Variants in SP4 observed in about 807,000 individuals in gnomAD.
SP4 encodes the protein Sp4 transcription factor, also known as transcription factor Sp4.
In SP4, 19 loss-of-function variants were observed where a neutral mutation model predicts 72.8. The ratio of observed to expected loss-of-function variants is 0.26; its 90% confidence interval spans 0.18 to 0.38. The LOEUF is 0.38. SP4 is among the 10% of genes least tolerant of loss of function. The probability of loss-of-function intolerance (pLI) is 1.00; values close to 1 mark genes in which losing one functional copy is unlikely to be tolerated. For synonymous variants in SP4, 395 were observed against 333.1 expected, an observed-to-expected ratio of 1.19 and a Z score of -2.02; for missense variants, 1,008 against 926.3, an observed-to-expected ratio of 1.09 and a Z score of -1.14.
At chr7:21,504,452 T>A (rs1781944379) in intron 5 of SP4, among the ~76,000 whole-genome samples, 1 of 152,228 alleles carries the variant, frequency 6.6e-6, no homozygotes, top group Admixed American at 6.5e-5. Context: ...TCTACCTTTC[T>A]CACATAGGGA....
At position 21,498,128 on chromosome 7, in the gene SP4, A is replaced by G. The variant is rs150359841; in HGVS notation, c.2108-12894A>G. The stretch of plus-strand genomic sequence containing the variant: ...CCTTATTACAACCAGCCCTCCTTAT[A>G]TGTGGATTCCTCATCCTCAGATTCA... On this transcript the variant is annotated intron_variant, in intron 5 of 5. Transcript: ENST00000222584. 2.6e-3 allele frequency among the ~76,000 whole-genome samples: 389 copies of G among 152,262 alleles called. 4 individuals are homozygous for G. Among genetic ancestry groups the G allele is most frequent in the East Asian group, 9.6e-4 (5 of 5,188 alleles).
At chr7:21,471,748 T>A (rs1784351455) in intron 3 of SP4, among the ~76,000 whole-genome samples, 1 of 152,168 alleles carries the variant, frequency 6.6e-6, no homozygotes, top group African/African-American at 2.4e-5. Flanking sequence ...GCAGGAGGAT[T>A]GCTTGAGTCC....
chr7:21,439,939 G>A (rs540238547), intron 3 of SP4, among the ~76,000 whole-genome samples: 9 of 152,244 alleles, frequency 5.9e-5, no homozygotes, highest in Admixed American at 1.3e-4. Context: ...TGTTTAAGAC[G>A]CAAGAATCTT....
At chr7:21,434,333 C>T (rs1782975372) in intron 3 of SP4, among the ~76,000 whole-genome samples, 1 of 152,142 alleles carries the variant, frequency 6.6e-6, no homozygotes. Context: ...AAAGTAAAAT[C>T]ATACAAGGTA....
intron 4 of SP4, among the ~76,000 whole-genome samples, chr7:21,478,883 G>A (rs1003552099): frequency 2.0e-5 from 3 of 151,970 alleles, no homozygotes; most frequent in Admixed American, 1.3e-4. Context: ...CAGCCTGACC[G>A]GCATGGAGAA....
rs1782224193 is a variant in SP4 at position 21,514,617 on chromosome 7, A to G, written c.*3348A>G. 6.6e-6 allele frequency: 1 copy of G among 152,150 alleles called. No individual in the cohort carries two copies. The highest frequency in any genetic ancestry group is 1.5e-5 in the Non-Finnish European group (1 of 68,020). The allele number at this position is 152,150 out of a possible 1,614,324, so 9.4% of individuals were successfully genotyped here. ...GAATTTAGACAATTATTCTGCCAGC[A>G]AAGCCTCTGGGGCTGTAATTGACAT... On this transcript the variant is annotated 3_prime_UTR_variant, in exon 6 of 6. Transcript: ENST00000222584.
intron 4 of SP4, among the ~76,000 whole-genome samples, chr7:21,481,220 A>G (rs1784676476): frequency 6.6e-6 from 1 of 152,202 alleles, no homozygotes; most frequent in African/African-American, 2.4e-5. Context: ...AACCAGGGGT[A>G]AGATAAGAAA....
At chr7:21,465,406 G>T (rs1372392523) in intron 3 of SP4, among the ~76,000 whole-genome samples, 1 of 151,952 alleles carries the variant, frequency 6.6e-6, no homozygotes, top group African/African-American at 2.4e-5. Context: ...GATTCAGGCT[G>T]ACCTAGGTTC....
intron 3 of SP4, among the ~76,000 whole-genome samples, chr7:21,464,307 A>C (rs1218635628): frequency 2.0e-5 from 3 of 151,884 alleles, no homozygotes; most frequent in Non-Finnish European, 4.4e-5. Context: ...TGTGTTAGCC[A>C]GGATGGTCTC....
chr7:21,476,884 A>G (rs764512743), intron 3 of SP4, among the ~76,000 whole-genome samples, 195 bp from the exon 4 acceptor site: 3 of 152,244 alleles, frequency 2.0e-5, no homozygotes, highest in East Asian at 3.8e-4. Flanking sequence ...ATCTAGATAC[A>G]TAGGCAACCT....
At position 21,514,390 on chromosome 7, in the gene SP4, A is replaced by G. The variant is rs1782216158; in HGVS notation, c.*3121A>G. On this transcript the variant is annotated 3_prime_UTR_variant, in exon 6 of 6. Transcript: ENST00000222584. ...ATGCATGTCACTAAGTTGTCATCCCACATAAATTGATGTGCAGCATAGGGT... is the reference window on the plus strand; with the variant it reads ...ATGCATGTCACTAAGTTGTCATCCCGCATAAATTGATGTGCAGCATAGGGT... 1 of 152,590 alleles carries G rather than the reference A, an allele frequency of 6.6e-6. No homozygotes were observed. The highest frequency in any genetic ancestry group is 2.1e-4 in the South Asian group (1 of 4,828). 9.5% of individuals were successfully genotyped at this position (152,590 alleles called of 1,614,324 possible). A position where few individuals can be genotyped will look rare whatever the true frequency, so the allele number is the denominator to read the frequency against.
intron 5 of SP4, among the ~76,000 whole-genome samples, chr7:21,504,473 C>G (rs1781945072): frequency 1.3e-5 from 2 of 152,128 alleles, no homozygotes; most frequent in African/African-American, 4.8e-5. Context: ...GTGTTTATCT[C>G]CATCAGTGAC....
intron 3 of SP4, among the ~76,000 whole-genome samples, chr7:21,431,211 A>G (rs1181273518): frequency 1.3e-5 from 2 of 152,224 alleles, no homozygotes; most frequent in Non-Finnish European, 2.9e-5. Context: ...GAGGGAAAGT[A>G]GTTTTAAACT....
At chr7:21,483,351 T>G (rs1436581981) in intron 5 of SP4, among the ~76,000 whole-genome samples, 2 of 151,956 alleles carry the variant, frequency 1.3e-5, no homozygotes, top group African/African-American at 2.4e-5. Flanking sequence ...TTGTCATACC[T>G]TTTGTCATAT....
chr7:21,507,714 CTT>C (rs980756579), intron 5 of SP4, among the ~76,000 whole-genome samples: 1 of 152,066 alleles, frequency 6.6e-6, no homozygotes, highest in Non-Finnish European at 1.5e-5. Context: ...GAGGGAGTCT[CTT>C]TGGCTCCCTC....
chr7:21,464,692 G>T (rs896862012), intron 3 of SP4, among the ~76,000 whole-genome samples: 5 of 151,948 alleles, frequency 3.3e-5, no homozygotes, highest in African/African-American at 1.2e-4. Context: ...TGGGACCACA[G>T]GTGTGCACCA....
At position 21,433,816 on chromosome 7, in the gene SP4, C is replaced by G. The variant is rs566416677; in HGVS notation, c.1678+2973C>G. On this transcript the variant is annotated intron_variant, in intron 3 of 5. Coordinates refer to ENST00000222584, the MANE Select transcript of SP4 (RefSeq NM_003112.5). ...TTAGCTGGGCGTGGTGGCACATGCC[C>G]GTAGTCCCAGCTACTCAGGAGGCTG... 3.0e-3 allele frequency among the ~76,000 whole-genome samples: 459 copies of G among 152,032 alleles called. 1 individual carries two copies. Among genetic ancestry groups the G allele is most frequent in the Non-Finnish European group, 5.3e-3 (362 of 67,966 alleles).
chr7:21,508,764 A>G (rs542542979), intron 5 of SP4, among the ~76,000 whole-genome samples: 299 of 150,600 alleles, frequency 2.0e-3, no homozygotes, highest in Middle Eastern at 3.6e-3. Flanking sequence ...GTGGCTTGGC[A>G]TAGAGTTTGT....
intron 3 of SP4, among the ~76,000 whole-genome samples, chr7:21,439,313 A>T (rs973243659): frequency 7.1e-4 from 55 of 77,556 alleles, no homozygotes; most frequent in Non-Finnish European, 1.1e-3. Flanking sequence ...GCAAATCTGT[A>T]TGCCTTTTTT....
Sources: gnomAD v4.1 joint callset for allele counts (sites outside exome capture counted in the v4.1 genomes callset) on GRCh38, gnomAD v4.1.1 for gene constraint, MANE v1.5 for transcripts, NCBI Gene and HGNC (gene_info 2026-07-23, HGNC 2026-07-21) for gene names.